Variants in LRRIQ1 observed in about 807,000 individuals in gnomAD.
LRRIQ1 encodes leucine-rich repeat- and IQ domain-containing protein 1.
Under a neutral mutation model 211.9 loss-of-function variants are expected in LRRIQ1, and 210 were observed. The ratio of observed to expected loss-of-function variants is 0.99; its 90% confidence interval spans 0.89 to 1.11. LRRIQ1 has a LOEUF of 1.11. Ranked by LOEUF, LRRIQ1 falls within the 50% of genes most tolerant of loss-of-function variation. The probability of loss-of-function intolerance (pLI) is 0.00; values close to 1 mark genes in which losing one functional copy is unlikely to be tolerated. For missense variants in LRRIQ1, 2,136 were observed against 1,939.5 expected, an observed-to-expected ratio of 1.10 and a Z score of -1.90; for synonymous variants, 699 against 650.1, an observed-to-expected ratio of 1.08 and a Z score of -1.14.
downstream of LRRIQ1, among the ~76,000 whole-genome samples, chr12:85,246,183 A>G (rs1378912164): frequency 2.0e-5 from 3 of 151,366 alleles, no homozygotes; most frequent in East Asian, 5.8e-4. Flanking sequence ...GTTTTCTTAC[A>G]TGATTATAGA....
chr12:85,124,247 A>G lies in LRRIQ1; in HGVS notation c.3735A>G (p.Gln1245=). The part of the protein sequence containing the change: ...LAPTNSDSTL[Q]NGVFYSCARE... ...CTACAAACAGTGACAGCACTCTGCAAAATGGAGTCTTCTACTCTTGTGCAC... is the reference window on the plus strand; with the variant it reads ...CTACAAACAGTGACAGCACTCTGCAGAATGGAGTCTTCTACTCTTGTGCAC... Residue 1245 remains glutamine (Q), a synonymous_variant, in exon 17 of 27, where the codon CAA becomes CAG. Transcript: ENST00000393217. The G allele has an allele frequency of 2.5e-6, 4 of 1,614,138 alleles. No homozygotes were observed. The highest frequency in any genetic ancestry group is 3.4e-6 in the Non-Finnish European group (4 of 1,180,018).
At chr12:85,244,139 G>A (rs1800400442) in intron 26 of LRRIQ1, among the ~76,000 whole-genome samples, 1 of 151,174 alleles carries the variant, frequency 6.6e-6, no homozygotes, top group African/African-American at 2.4e-5. Flanking sequence ...AATTATTTTT[G>A]GCACTTAGAT....
chr12:85,039,975 T>C (rs1177396789), intron 2 of LRRIQ1, among the ~76,000 whole-genome samples: 2 of 151,620 alleles, frequency 1.3e-5, no homozygotes, highest in Non-Finnish European at 3.0e-5. Context: ...ATTTAGAAAA[T>C]TTACAAATCG....
chr12:85,163,228 A>G (rs914462849), intron 24 of LRRIQ1, among the ~76,000 whole-genome samples: 2 of 152,218 alleles, frequency 1.3e-5, no homozygotes, highest in African/African-American at 4.8e-5. Flanking sequence ...AGTGCAATAC[A>G]ATGAACTCTA....
chr12:85,168,041 G>A (rs1331580440), intron 24 of LRRIQ1, among the ~76,000 whole-genome samples: 1 of 152,178 alleles, frequency 6.6e-6, no homozygotes, highest in Non-Finnish European at 1.5e-5. Flanking sequence ...TATTTTCTTA[G>A]TACAAGTGTA....
downstream of LRRIQ1, among the ~76,000 whole-genome samples, chr12:85,246,446 A>C (rs1362629497): frequency 6.6e-6 from 1 of 151,396 alleles, no homozygotes; most frequent in Non-Finnish European, 1.5e-5. Context: ...AGAAATAAGC[A>C]AATTAAAAAC....
intron 24 of LRRIQ1, among the ~76,000 whole-genome samples, chr12:85,167,801 C>G (rs757325847): frequency 6.6e-6 from 1 of 152,186 alleles, no homozygotes; most frequent in Non-Finnish European, 1.5e-5. Flanking sequence ...CACCCCTTGT[C>G]AACTTGAACC....
chr12:85,099,329 A>C (rs999549519), intron 13 of LRRIQ1, among the ~76,000 whole-genome samples: 1 of 151,850 alleles, frequency 6.6e-6, no homozygotes, highest in Non-Finnish European at 1.5e-5. Flanking sequence ...TAGTTAATTT[A>C]ATTCAGAAGG....
At chr12:85,069,695 T>C (rs944593689) in intron 10 of LRRIQ1, among the ~76,000 whole-genome samples, 6 of 152,190 alleles carry the variant, frequency 3.9e-5, no homozygotes, top group Non-Finnish European at 7.3e-5. Context: ...TGGCCAGTGA[T>C]GATGAACATT....
At position 85,202,485 on chromosome 12, in the gene LRRIQ1, T is replaced by C. The variant is rs532166302; in HGVS notation, c.4823-27032T>C. 2.0e-5 allele frequency among the ~76,000 whole-genome samples: 3 copies of C among 152,330 alleles called. No homozygotes were observed. In the East Asian group the frequency reaches 5.8e-4, roughly 29 times the overall value. On this transcript the variant is annotated intron_variant, in intron 24 of 26. Transcript: ENST00000393217. The stretch of plus-strand genomic sequence containing the variant: ...TTATCCTATGTAGTGTGCATATATA[T>C]TTAGGATAGTTAGGTCTTCTTGTTG...
intron 8 of LRRIQ1, among the ~76,000 whole-genome samples, chr12:85,059,807 C>T (rs918407289): frequency 1.3e-5 from 2 of 151,630 alleles, no homozygotes; most frequent in African/African-American, 2.4e-5. Context: ...ATAACAAAAC[C>T]GCATGTTCTG....
At chr12:85,205,792 ATTC>A (rs1453312023) in intron 24 of LRRIQ1, among the ~76,000 whole-genome samples, 3 of 152,040 alleles carry the variant, frequency 2.0e-5, no homozygotes, top group Non-Finnish European at 4.4e-5. Flanking sequence ...GGTTTTGTTC[ATTC>A]TTCTTTATTG....
intron 25 of LRRIQ1, among the ~76,000 whole-genome samples, chr12:85,230,671 A>G (rs531851898): frequency 2.6e-5 from 4 of 152,216 alleles, no homozygotes; most frequent in Non-Finnish European, 5.9e-5. Context: ...TCCAGAGATG[A>G]TATTTTTACA....
chr12:85,246,199 G>T (rs545092081), downstream of LRRIQ1, among the ~76,000 whole-genome samples: 63 of 151,148 alleles, frequency 4.2e-4, no homozygotes, highest in East Asian at 8.3e-3. Flanking sequence ...ATAGAATCTG[G>T]TCATTGAAAT....
chr12:85,253,055 A>G (rs2137307998), intron 1 of LRRIQ1, among the ~76,000 whole-genome samples: 1 of 152,164 alleles, frequency 6.6e-6, no homozygotes, highest in East Asian at 1.9e-4. Context: ...CAAAAAGAAA[A>G]CAATGTCTTA....
At chr12:85,254,070 T>G (rs1374787723) in intron 1 of LRRIQ1, among the ~76,000 whole-genome samples, 1 of 151,982 alleles carries the variant, frequency 6.6e-6, no homozygotes. Context: ...TGAGATCTGG[T>G]CATTTGAAAC....
intron 1 of LRRIQ1, among the ~76,000 whole-genome samples, chr12:85,255,445 C>T (rs1215552343): frequency 1.3e-5 from 2 of 151,596 alleles, no homozygotes; most frequent in East Asian, 1.9e-4. Context: ...TATCTTTTTC[C>T]TCATATAAAA....
chr12:85,064,716 T>G (rs1882243290), intron 8 of LRRIQ1, among the ~76,000 whole-genome samples: 1 of 151,804 alleles, frequency 6.6e-6, no homozygotes. Flanking sequence ...TGGTAAGAGA[T>G]GGGGGTCTAG....
At chr12:85,058,534 A>G (rs1881402020) in intron 8 of LRRIQ1, among the ~76,000 whole-genome samples, 1 of 152,040 alleles carries the variant, frequency 6.6e-6, no homozygotes, top group Admixed American at 6.6e-5. Context: ...TTACAGAAAC[A>G]GTAGTGTTCC....
Sources: allele counts gnomAD v4.1 joint callset (sites outside exome capture counted in the v4.1 genomes callset), GRCh38; gene constraint gnomAD v4.1.1; transcripts MANE v1.5; gene names NCBI Gene and HGNC (gene_info 2026-07-23, HGNC 2026-07-21).